The following C12orf56 variants were observed in gnomAD, a reference collection of about 807,000 sequenced individuals.
The protein encoded by C12orf56 is uncharacterized protein C12orf56.
C12orf56 carries 71 observed loss-of-function variants against 69.9 expected under a neutral mutation model. The ratio of observed to expected loss-of-function variants is 1.02; its 90% CI spans 0.84 to 1.24. The LOEUF is 1.24. C12orf56 is among the 50% of genes most tolerant of loss of function. The probability of loss-of-function intolerance (pLI) is 0.00; values close to 1 mark genes in which losing one functional copy is unlikely to be tolerated. For synonymous variants in C12orf56, 276 were observed against 274.1 expected (o/e 1.01, Z -0.07); for missense variants, 732 against 738.5 (o/e 0.99, Z 0.10).
intron 5 of C12orf56, among the ~76,000 whole-genome samples, chr12:64,308,919 AGAAAGAAAGAAAGAAAGAAAGAAGAAAG>A (rs1357239071): frequency 1.0e-4 from 7 of 70,036 alleles, no homozygotes; most frequent in Non-Finnish European, 2.0e-4. Flanking sequence ...AAAGAAAGAA[AGAAAGAAAGAAAGAAAGAAAGAAGAAAG>A]AAAGAAAGAA....
intron 7 of C12orf56, 74 bp downstream of exon 7, chr12:64,285,880 G>C: frequency 1.2e-6 from 1 of 837,074 alleles, no homozygotes; most frequent in Non-Finnish European, 1.8e-6. Flanking sequence ...CATATATTTT[G>C]TCCAGTGTCT....
chr12:64,353,104 A>G (rs1487655772), intron 1 of C12orf56, 48 bp from the exon 2 acceptor site: 1 of 1,565,158 alleles, frequency 6.4e-7, no homozygotes, highest in African/African-American at 1.4e-5. Flanking sequence ...ACAACTGCTT[A>G]CCTATTTTGG....
intron 1 of C12orf56, among the ~76,000 whole-genome samples, chr12:64,361,582 C>G (rs2039400596): frequency 6.6e-6 from 1 of 152,144 alleles, no homozygotes; most frequent in East Asian, 1.9e-4. Flanking sequence ...AATGCCATGC[C>G]AACCTCAGAA....
At chr12:64,283,911 T>TA (rs1241063715) in intron 8 of C12orf56, among the ~76,000 whole-genome samples, 2 of 150,132 alleles carry the variant, frequency 1.3e-5, no homozygotes, top group African/African-American at 4.9e-5. Context: ...AGTATCTATT[T>TA]TTTTTTTTTT....
chr12:64,358,224 C>T (rs1295817225), intron 1 of C12orf56, among the ~76,000 whole-genome samples: 3 of 152,004 alleles, frequency 2.0e-5, no homozygotes, highest in Non-Finnish European at 1.5e-5. Flanking sequence ...CTTTGGGAGG[C>T]CGAGGTGGGC....
At chr12:64,347,487 T>C (rs893192783) in intron 2 of C12orf56, among the ~76,000 whole-genome samples, 1 of 152,034 alleles carries the variant, frequency 6.6e-6, no homozygotes, top group African/African-American at 2.4e-5. Context: ...AGTTTCACCA[T>C]ATTGGTCAGG....
intron 6 of C12orf56, among the ~76,000 whole-genome samples, chr12:64,297,828 T>G (rs1029974250): frequency 1.3e-5 from 2 of 152,240 alleles, no homozygotes; most frequent in Admixed American, 6.5e-5. Context: ...CTATTGTGAA[T>G]AGTGCTGCAA....
chr12:64,370,345 T>C (rs1319061928), intron 1 of C12orf56, among the ~76,000 whole-genome samples: 1 of 147,736 alleles, frequency 6.8e-6, no homozygotes, highest in Non-Finnish European at 1.5e-5. Context: ...ACTCTGCCCA[T>C]GCGCCCCCCC....
At chr12:64,335,980 T>C (rs1271582036) in intron 2 of C12orf56, among the ~76,000 whole-genome samples, 1 of 152,186 alleles carries the variant, frequency 6.6e-6, no homozygotes, top group Non-Finnish European at 1.5e-5. Flanking sequence ...ACATCATCAT[T>C]ATTAACATAT....
chr12:64,266,833 G>A lies in C12orf56; in HGVS notation c.*350C>T, dbSNP rs1363221085. The A allele has an allele frequency of 3.4e-6, 1 of 298,016 alleles. No individual in the cohort carries two copies. The highest frequency in any genetic ancestry group is 6.2e-6 in the Non-Finnish European group (1 of 160,766). 18.5% of individuals were successfully genotyped at this position (298,016 alleles called of 1,614,324 possible). A position where few individuals can be genotyped will look rare whatever the true frequency, so the allele number is the denominator to read the frequency against. On this transcript the variant is annotated 3_prime_UTR_variant, in exon 13 of 13. Transcript: ENST00000543942. ...TCTTGCTTTTGCTGCTAAGGTGGAA[G>A]AGAAGTGAGTACAGCTTTCCTAAAT... is the stretch of plus-strand genomic sequence containing the variant.
chr12:64,286,294 G>A (rs926889999), intron 6 of C12orf56, among the ~76,000 whole-genome samples: 5 of 152,216 alleles, frequency 3.3e-5, no homozygotes, highest in Non-Finnish European at 7.3e-5. Context: ...GCTGGGAGAT[G>A]CCAGTTAGGC....
chr12:64,281,292 C>G (rs554558810), intron 8 of C12orf56, among the ~76,000 whole-genome samples: 3 of 147,762 alleles, frequency 2.0e-5, no homozygotes, highest in African/African-American at 5.0e-5. Flanking sequence ...AAAAAGAGCC[C>G]GGGTGCGGTG....
chr12:64,350,224 T>C (rs2039204586), intron 2 of C12orf56, among the ~76,000 whole-genome samples: 1 of 151,762 alleles, frequency 6.6e-6, no homozygotes, highest in Non-Finnish European at 1.5e-5. Flanking sequence ...TGCACCAAAA[T>C]CTCACAAATT....
rs531591802 is a variant in C12orf56 at position 64,318,974 on chromosome 12, C to T, written c.495G>A (p.Gln165=). The T allele has an allele frequency of 5.2e-5, 77 of 1,480,038 alleles. No homozygotes were observed. In the Admixed American group the frequency reaches 1.8e-3, roughly 35 times the overall value. The allele number at this position is 1,480,038 out of a possible 1,614,324, so 91.7% of individuals were successfully genotyped here. ...CCTTGGATGGTGTACTGCTCTCCTG[C>T]TGGTCCCTGTCAGGTAGAATTTAGT... ...RSLKESPLRD[Q]QESSTPSKDS... Residue 165 remains glutamine (Q), a synonymous_variant, in exon 4 of 13, where the codon CAG becomes CAA. Transcript: ENST00000543942.
intron 2 of C12orf56, among the ~76,000 whole-genome samples, chr12:64,332,914 A>G (rs1360800930): frequency 6.6e-6 from 1 of 152,248 alleles, no homozygotes; most frequent in Non-Finnish European, 1.5e-5. Flanking sequence ...AGGAGACTCC[A>G]AAATCTTCCA....
At chr12:64,323,402 A>G (rs1254456800) in intron 3 of C12orf56, among the ~76,000 whole-genome samples, 2 of 152,178 alleles carry the variant, frequency 1.3e-5, no homozygotes, top group African/African-American at 4.8e-5. Flanking sequence ...CTATATCTTT[A>G]TATATTTCCA....
intron 6 of C12orf56, among the ~76,000 whole-genome samples, chr12:64,287,163 G>A (rs953935717): frequency 6.7e-6 from 1 of 150,266 alleles, no homozygotes; most frequent in African/African-American, 2.5e-5. Context: ...AGAATCACTT[G>A]AACCTGGGAG....
At chr12:64,373,264 G>A (rs933393710) in intron 1 of C12orf56, among the ~76,000 whole-genome samples, 4 of 152,036 alleles carry the variant, frequency 2.6e-5, no homozygotes, top group Non-Finnish European at 4.4e-5. Context: ...AGACCAGCCT[G>A]GGCAATATGG....
rs35488127 is a variant in C12orf56 at position 64,308,940 on chromosome 12, G to GAAAGAAAGAAAGAAAGAAAGA, written c.968+3738_968+3739insTCTTTCTTTCTTTCTTTCTTT. ...AGAAAGAAAGAAAGAAAGAAAGAAA[G>GAAAGAAAGAAAGAAAGAAAGA]AAGAAAGAAAGAAAGAAAGAAAGAA... On this transcript the variant is annotated intron_variant, in intron 5 of 12. Coordinates refer to ENST00000543942, the MANE Select transcript of C12orf56 (RefSeq NM_001170633.2). Among the ~76,000 whole-genome samples the GAAAGAAAGAAAGAAAGAAAGA allele has an allele frequency of 1.1e-3, 88 of 80,864 alleles. 1 individual carries two copies. The highest frequency in any genetic ancestry group is 1.9e-3 in the South Asian group (4 of 2,136). The allele number at this position is 80,864 out of a possible 152,430, so 53.0% of individuals were successfully genotyped here.
Sources: allele counts gnomAD v4.1 joint callset (sites outside exome capture counted in the v4.1 genomes callset), GRCh38; gene constraint gnomAD v4.1.1; transcripts MANE v1.5; gene names NCBI Gene and HGNC (gene_info 2026-07-23, HGNC 2026-07-21).